Variants in ARFGEF3 observed in about 807,000 individuals in gnomAD.
ARFGEF3 encodes brefeldin A-inhibited guanine nucleotide-exchange protein 3.
In ARFGEF3, 96 loss-of-function variants were observed where a neutral mutation model predicts 221.7. The observed-to-expected ratio is 0.43, with a 90% CI of 0.37 to 0.51. The LOEUF is 0.51. ARFGEF3 is among the 20% of genes least tolerant of loss of function. ARFGEF3 has a pLI of 0.00. For missense variants in ARFGEF3, 2,410 were observed against 2,789.9 expected (o/e 0.86, Z 3.07); for synonymous variants, 1,145 against 1,126.8 (o/e 1.02, Z -0.32).
Position 138,334,819 on chromosome 6 carries a change from C to G in ARFGEF3, c.5973C>G (p.Ser1991Arg). Residue 1991 changes from serine to arginine, a missense_variant, in exon 33 of 34, where the codon AGC becomes AGG. Transcript: ENST00000251691. The surrounding 1 kb of genome is among the most constrained non-coding windows in gnomAD (Gnocchi z 5.1). ...GTGGGGACCTGCTGCTGCCCCCCAG[C>G]CCCAAAGTGGAGAAGAAGGATCCCA... ...AGGGDLLLPP[S>R]PKVEKKDPSR... is the part of the protein sequence containing the mutation. 1 of 1,601,662 alleles carries G rather than the reference C, an allele frequency of 6.2e-7. No individual in the cohort carries two copies. The highest frequency in any genetic ancestry group is 1.1e-5 in the South Asian group (1 of 88,776).
At chr6:138,232,904 T>G (rs559758409) in intron 5 of ARFGEF3, among the ~76,000 whole-genome samples, 2 of 152,306 alleles carry the variant, frequency 1.3e-5, no homozygotes, top group East Asian at 3.9e-4. Flanking sequence ...ATTGCAAACA[T>G]GTACTGTTAA....
At chr6:138,278,697 G>C (rs544506407) in intron 13 of ARFGEF3, 80 bp downstream of exon 13, 2 of 1,474,216 alleles carry the variant, frequency 1.4e-6, no homozygotes, top group East Asian at 4.5e-5. Flanking sequence ...AGTGCCCTGA[G>C]TGGGATGGCA....
At chr6:138,275,590 A>G (rs1779082042) in intron 12 of ARFGEF3, among the ~76,000 whole-genome samples, 1 of 151,980 alleles carries the variant, frequency 6.6e-6, no homozygotes, top group Non-Finnish European at 1.5e-5. Flanking sequence ...CTAAAAATAC[A>G]AAAATTAGCT....
intron 5 of ARFGEF3, among the ~76,000 whole-genome samples, chr6:138,231,771 G>C (rs990368304): frequency 6.6e-6 from 1 of 152,118 alleles, no homozygotes; most frequent in African/African-American, 2.4e-5. Context: ...GAAACCTGCT[G>C]ATCAGGAAGT....
rs1156783021 is a variant in ARFGEF3 at position 138,337,494 on chromosome 6, G to C, written c.*1008G>C. ...GAAAGGGACTCAGGGAAGGGAGCAG[G>C]GAGTGTGGGGTGGGGATGGATTATG... On this transcript the variant is annotated 3_prime_UTR_variant, in exon 34 of 34. Coordinates refer to ENST00000251691, the MANE Select transcript of ARFGEF3 (RefSeq NM_020340.5). The C allele has an allele frequency of 6.6e-6, 1 of 152,582 alleles. No homozygotes were observed. The highest frequency in any genetic ancestry group is 1.5e-5 in the Non-Finnish European group (1 of 68,028). 9.5% of individuals were successfully genotyped at this position (152,582 alleles called of 1,614,324 possible).
At position 138,170,406 on chromosome 6, in the gene ARFGEF3, C is replaced by T. The variant is rs767730704; in HGVS notation, c.86-256C>T. On this transcript the variant is annotated intron_variant, in intron 1 of 33. Transcript: ENST00000251691. ...GGTTCAGACTAGGAATTTAACTATTCGTTCTTTATCTGTTTAGGGAAATGT... is the reference window on the plus strand; with the variant it reads ...GGTTCAGACTAGGAATTTAACTATTTGTTCTTTATCTGTTTAGGGAAATGT... Among the ~76,000 whole-genome samples the T allele has an allele frequency of 3.3e-5, 5 of 152,076 alleles. No individual in the cohort carries two copies. In the East Asian group the frequency reaches 7.7e-4, roughly 23 times the overall value.
intron 27 of ARFGEF3, among the ~76,000 whole-genome samples, 167 bp from the exon 28 acceptor site, chr6:138,319,535 GA>G (rs1779986312): frequency 6.6e-6 from 1 of 152,074 alleles, no homozygotes; most frequent in African/African-American, 2.4e-5. Context: ...AAAAAAAAAG[GA>G]AAAATGCCAC....
intron 9 of ARFGEF3, among the ~76,000 whole-genome samples, chr6:138,254,194 A>C (rs1361830912): frequency 6.6e-6 from 1 of 152,052 alleles, no homozygotes; most frequent in Non-Finnish European, 1.5e-5. Context: ...AGGCAGGCAT[A>C]TTGCTTGAGG....
At chr6:138,234,475 C>CGTGT (rs10642229) in intron 5 of ARFGEF3, among the ~76,000 whole-genome samples, 1,773 of 148,178 alleles carry the variant, frequency 0.012, 19 homozygotes, top group African/African-American at 0.037. Context: ...CAGTTCACCC[C>CGTGT]GTGTGTGTGT....
intron 14 of ARFGEF3, among the ~76,000 whole-genome samples, chr6:138,285,602 T>C (rs949403310): frequency 2.0e-5 from 3 of 152,186 alleles, no homozygotes; most frequent in Admixed American, 6.5e-5. Flanking sequence ...CCTGTACATA[T>C]AAAATTTGGG....
At chr6:138,289,073 C>G (rs937100941) in intron 17 of ARFGEF3, among the ~76,000 whole-genome samples, 1 of 152,176 alleles carries the variant, frequency 6.6e-6, no homozygotes, top group Admixed American at 6.5e-5. Context: ...CCTGCCCCAG[C>G]CTCCTGAGTA....
In ARFGEF3 at chr6:138,238,522, C is replaced by G; in HGVS notation, c.434C>G (p.Thr145Arg). ...TTTCTTTAACAGGTGTGCATTGAGA[C>G]GTACATAAGCAGCTGTCACCAGCGT... ...VLKIAEVCIE[T>R]YISSCHQRSI... The change falls in exon 6 of 34, where the codon ACG becomes AGG. Residue 145 changes from threonine to arginine, a missense_variant. Around this residue, in one of 5 missense-constraint regions of ARFGEF3, gnomAD observed 570 missense variants for 586.9 expected, o/e 0.97. Coordinates refer to ENST00000251691, the MANE Select transcript of ARFGEF3 (RefSeq NM_020340.5). The G allele has an allele frequency of 6.2e-7, 1 of 1,613,560 alleles. No homozygotes were observed. Among genetic ancestry groups the G allele is most frequent in the Non-Finnish European group, 8.5e-7 (1 of 1,179,618 alleles).
intron 2 of ARFGEF3, among the ~76,000 whole-genome samples, chr6:138,200,395 G>A (rs943857572): frequency 1.3e-5 from 2 of 152,096 alleles, no homozygotes; most frequent in Non-Finnish European, 2.9e-5. Context: ...GAACAAATCT[G>A]GAGGCATCAC....
intron 6 of ARFGEF3, 89 bp downstream of exon 6, chr6:138,238,720 C>A: frequency 1.5e-6 from 2 of 1,299,916 alleles, no homozygotes; most frequent in Non-Finnish European, 2.2e-6. Context: ...GGGCTGCCTG[C>A]CTCCTGAAAA....
chr6:138,194,989 A>ATTTTTTTTTTTT (rs747099029), intron 2 of ARFGEF3, among the ~76,000 whole-genome samples: 7 of 84,116 alleles, frequency 8.3e-5, no homozygotes, highest in African/African-American at 2.9e-4. Flanking sequence ...CTTTTCCCTA[A>ATTTTTTTTTTTT]TTTTTTTTTT....
intron 5 of ARFGEF3, among the ~76,000 whole-genome samples, chr6:138,237,715 C>A (rs183197853): frequency 1.3e-3 from 202 of 152,148 alleles, no homozygotes; most frequent in African/African-American, 4.7e-3. Context: ...TAGAGAAGAA[C>A]CTCTGGCTCT....
rs759566358 is a variant in ARFGEF3, at chr6:138,242,870, T to C, written c.544-82T>C. On this transcript the variant is annotated intron_variant, in intron 6 of 33. Transcript: ENST00000251691. Reference sequence around the variant, plus strand: ...AGGGCACCCCGGAAGCCATTTTGTTTCCTAGAATTTTCCCATTGTCAAAGA... The same window carrying C: ...AGGGCACCCCGGAAGCCATTTTGTTCCCTAGAATTTTCCCATTGTCAAAGA... The C allele has an allele frequency of 8.0e-6, 10 of 1,248,444 alleles. No individual in the cohort carries two copies. In the African/African-American group the frequency reaches 1.5e-4, roughly 18 times the overall value. 77.3% of individuals were successfully genotyped at this position (1,248,444 alleles called of 1,614,324 possible). A position where few individuals can be genotyped will look rare whatever the true frequency, so the allele number is the denominator to read the frequency against.
At chr6:138,308,714 C>A in intron 23 of ARFGEF3, 25 bp from the exon 24 acceptor site, 1 of 1,613,270 alleles carries the variant, frequency 6.2e-7, no homozygotes, top group Admixed American at 1.7e-5. Flanking sequence ...TACTTTCTTA[C>A]AATTCTATAA....
At chr6:138,250,227 T>C (rs1028272137) in intron 8 of ARFGEF3, among the ~76,000 whole-genome samples, 2 of 152,150 alleles carry the variant, frequency 1.3e-5, no homozygotes, top group Non-Finnish European at 2.9e-5. Flanking sequence ...ATTCAGAAAA[T>C]GTATTCAGGT....
Sources: allele counts gnomAD v4.1 joint callset (sites outside exome capture counted in the v4.1 genomes callset), GRCh38; gene constraint gnomAD v4.1.1; regional missense constraint gnomAD v4.1.1; non-coding constraint Gnocchi (gnomAD v3.1); transcripts MANE v1.5; gene names NCBI Gene and HGNC (gene_info 2026-07-23, HGNC 2026-07-21).